SLC45A4: variants seen among roughly 807,000 people sequenced by gnomAD.
SLC45A4 encodes solute carrier family 45 member 4, also known as polyamine-transporter SLC45A4.
SLC45A4 carries 32 observed loss-of-function variants against 63.7 expected under a neutral mutation model. The observed-to-expected ratio is 0.50, with a 90% CI of 0.38 to 0.67. The LOEUF (loss-of-function observed/expected upper bound fraction) is 0.67. SLC45A4 is among the 30% of genes least tolerant of loss of function. The probability of loss-of-function intolerance (pLI) is 0.00; values close to 1 mark genes in which losing one functional copy is unlikely to be tolerated. For synonymous variants in SLC45A4, 535 were observed against 510.0 expected (o/e 1.05, Z -0.66); for missense variants, 1,027 against 1,157.7 (o/e 0.89, Z 1.64).
chr8:141,291,166 T>C (rs557869976), intron 1 of SLC45A4, among the ~76,000 whole-genome samples: 8 of 152,324 alleles, frequency 5.3e-5, no homozygotes, highest in African/African-American at 1.2e-4. Flanking sequence ...ATTACAGGCA[T>C]GAGCCACCGC....
intron 2 of SLC45A4, 77 bp from the exon 3 acceptor site, chr8:141,221,842 C>A: frequency 6.6e-7 from 1 of 1,510,174 alleles, no homozygotes; most frequent in East Asian, 2.3e-5. Flanking sequence ...AGCCCCGCGA[C>A]AGGCAGGTGC....
At position 141,219,786 on chromosome 8, in the gene SLC45A4, G is replaced by A. The variant is rs760427577; in HGVS notation, c.474C>T (p.Ile158=). The part of the protein sequence containing the change: ...GDVPNRQPIG[I]VLTVLGVVVL... ...CCACCACTCCCAGCACCGTGAGCAC[G>A]ATGCCAATGGGCTGCCGGTTGGGGA... The change falls in exon 4 of 9, where the codon ATC becomes ATT. Residue 158 remains isoleucine (I), a synonymous_variant. Coordinates refer to ENST00000517878, the MANE Select transcript of SLC45A4 (RefSeq NM_001286646.2). The A allele has an allele frequency of 2.1e-5, 33 of 1,597,348 alleles. 1 individual carries two copies. The highest frequency in any genetic ancestry group is 1.7e-4 in the South Asian group (15 of 88,390).
chr8:141,274,793 T>A (rs1056190029), intron 1 of SLC45A4, among the ~76,000 whole-genome samples: 1 of 152,184 alleles, frequency 6.6e-6, no homozygotes, highest in Non-Finnish European at 1.5e-5. Context: ...ACTAAAAACA[T>A]GGGCTAAGGT....
At chr8:141,267,265 C>G (rs888404224) in intron 1 of SLC45A4, among the ~76,000 whole-genome samples, 1 of 152,224 alleles carries the variant, frequency 6.6e-6, no homozygotes, top group Non-Finnish European at 1.5e-5. Flanking sequence ...TCTGGGAAGC[C>G]GGCAGACCAC....
chr8:141,279,539 A>G (rs1188424771), intron 1 of SLC45A4, among the ~76,000 whole-genome samples: 7 of 152,246 alleles, frequency 4.6e-5, no homozygotes, highest in Non-Finnish European at 1.0e-4. Flanking sequence ...AGATGCCTTC[A>G]GTTGTAAACC....
At chr8:141,271,752 C>G (rs1405136645) in intron 1 of SLC45A4, among the ~76,000 whole-genome samples, 3 of 152,246 alleles carry the variant, frequency 2.0e-5, no homozygotes, top group Non-Finnish European at 4.4e-5. Flanking sequence ...CCTGACACCA[C>G]CCCAGCACCA....
At chr8:141,304,573 A>AAGG (rs1830842561) in intron 1 of SLC45A4, among the ~76,000 whole-genome samples, 1 of 128,938 alleles carries the variant, frequency 7.8e-6, no homozygotes, top group Non-Finnish European at 1.7e-5. Context: ...AAAAAAAAAA[A>AAGG]GGGGGGGAGA....
chr8:141,244,968 G>GGGGGGGGGGGGGGGGGGGGGGGGGGC lies in SLC45A4; in HGVS notation c.241+9020_241+9021insGCCCCCCCCCCCCCCCCCCCCCCCCC, dbSNP rs1569558620. Among the ~76,000 whole-genome samples the GGGGGGGGGGGGGGGGGGGGGGGGGGC allele has an allele frequency of 4.2e-5, 3 of 71,834 alleles. 1 individual carries two copies. Among genetic ancestry groups the GGGGGGGGGGGGGGGGGGGGGGGGGGC allele is most frequent in the Admixed American group, 1.3e-4 (1 of 7,826 alleles). 47.1% of individuals were successfully genotyped at this position (71,834 alleles called of 152,430 possible). A position where few individuals can be genotyped will look rare whatever the true frequency, so the allele number is the denominator to read the frequency against. On this transcript the variant is annotated intron_variant, in intron 2 of 8. Transcript: ENST00000517878. ...CAAGAAGACGTGGGTGGGGGGGGGGGGCGGTGTGGAGGTGGAGGCTGGGCT... is the reference window on the plus strand; with the variant it reads ...CAAGAAGACGTGGGTGGGGGGGGGGGGGGGGGGGGGGGGGGGGGGGGGGGGCGCGGTGTGGAGGTGGAGGCTGGGCT...
At chr8:141,269,073 G>A (rs1829402986) in intron 1 of SLC45A4, among the ~76,000 whole-genome samples, 1 of 152,208 alleles carries the variant, frequency 6.6e-6, no homozygotes, top group Non-Finnish European at 1.5e-5. Flanking sequence ...CAGAGACCAA[G>A]AGTCTGCACT....
intron 1 of SLC45A4, among the ~76,000 whole-genome samples, chr8:141,272,089 C>T (rs1236129920): frequency 7.2e-5 from 11 of 152,152 alleles, no homozygotes; most frequent in Non-Finnish European, 1.3e-4. Context: ...CACATGTGCA[C>T]GCAACACACA....
intron 1 of SLC45A4, among the ~76,000 whole-genome samples, chr8:141,272,291 A>G (rs1433019111): frequency 6.6e-6 from 1 of 152,186 alleles, no homozygotes; most frequent in African/African-American, 2.4e-5. Flanking sequence ...AAATACACTA[A>G]AGCCAAAATC....
intron 2 of SLC45A4, among the ~76,000 whole-genome samples, chr8:141,241,905 C>T (rs1300271583): frequency 5.3e-5 from 8 of 152,170 alleles, no homozygotes; most frequent in Non-Finnish European, 7.3e-5. Context: ...CCATTCCTGC[C>T]GGGACACAGA....
chr8:141,274,803 TGAC>T (rs1371598892), intron 1 of SLC45A4, among the ~76,000 whole-genome samples: 1 of 152,154 alleles, frequency 6.6e-6, no homozygotes, highest in Non-Finnish European at 1.5e-5. Flanking sequence ...TGGGCTAAGG[TGAC>T]ACTTTTAACA....
rs1826198648 is a variant in SLC45A4, at chr8:141,217,076, T to C, written c.1729+14A>G. 1.2e-6 allele frequency: 2 copies of C among 1,613,368 alleles called. No individual in the cohort carries two copies. The highest frequency in any genetic ancestry group is 2.7e-5 in the African/African-American group (2 of 75,026). On this transcript the variant is annotated intron_variant, in intron 6 of 8. Coordinates refer to ENST00000517878, the MANE Select transcript of SLC45A4 (RefSeq NM_001286646.2). ...CTGGGGTGCGAGTGCTGACCTGACT[T>C]GGGGAGCTCTTACCTGAACAAATAG...
intron 1 of SLC45A4, among the ~76,000 whole-genome samples, chr8:141,300,258 G>T (rs1326756729): frequency 6.6e-6 from 1 of 152,156 alleles, no homozygotes; most frequent in Non-Finnish European, 1.5e-5. Context: ...AGAGACCCCA[G>T]GTCCGTCAAA....
rs552640085 is a variant in SLC45A4, at chr8:141,269,408, G to A, written c.-400-14779C>T. 1.7e-4 allele frequency among the ~76,000 whole-genome samples: 24 copies of A among 144,862 alleles called. No individual in the cohort carries two copies. In the South Asian group the frequency reaches 4.8e-3, roughly 29 times the overall value. On this transcript the variant is annotated intron_variant, in intron 1 of 8. Transcript: ENST00000517878. ...TTAGAGCTTGCTGTGAATCTGCAGCGGCAGAGGGGAGTGGGCAGAGGCCAG... is the reference window on the plus strand; with the variant it reads ...TTAGAGCTTGCTGTGAATCTGCAGCAGCAGAGGGGAGTGGGCAGAGGCCAG...
chr8:141,277,631 G>T (rs1256712115), intron 1 of SLC45A4, among the ~76,000 whole-genome samples: 1 of 151,596 alleles, frequency 6.6e-6, no homozygotes, highest in Non-Finnish European at 1.5e-5. Flanking sequence ...TCTTCAAATT[G>T]TGTTATCTTT....
rs572338036 is a variant in SLC45A4, at chr8:141,260,713, C to T, written c.-400-6084G>A. 1.2e-4 allele frequency among the ~76,000 whole-genome samples: 18 copies of T among 152,192 alleles called. 1 individual carries two copies. In the East Asian group the frequency reaches 1.7e-3, roughly 15 times the overall value. ...CTCTGAATAGACCAATAACAGGCTC[C>T]GAAATTGTGGCAATAATCAATAGCT... On this transcript the variant is annotated intron_variant, in intron 1 of 8. Coordinates refer to ENST00000517878, the MANE Select transcript of SLC45A4 (RefSeq NM_001286646.2).
chr8:141,257,240 C>T (rs939171633), intron 1 of SLC45A4, among the ~76,000 whole-genome samples: 2 of 152,236 alleles, frequency 1.3e-5, no homozygotes, highest in Non-Finnish European at 2.9e-5. Context: ...TATTCTTGTT[C>T]CGCCCCCACC....
Sources: gnomAD v4.1 joint callset for allele counts (sites outside exome capture counted in the v4.1 genomes callset) on GRCh38, gnomAD v4.1.1 for gene constraint, MANE v1.5 for transcripts, NCBI Gene and HGNC (gene_info 2026-07-23, HGNC 2026-07-21) for gene names.